Variants in CDH8 observed in about 807,000 individuals in gnomAD.
CDH8 encodes cadherin 8.
Under a neutral mutation model 68.1 loss-of-function variants are expected in CDH8, and 17 were observed. That is an observed-to-expected ratio of 0.25 (90% CI 0.17 to 0.37). CDH8 has a LOEUF of 0.37. CDH8 is among the 10% of genes least tolerant of loss of function. CDH8 has a pLI of 1.00. For synonymous variants in CDH8, 372 were observed against 365.1 expected, an observed-to-expected ratio of 1.02 and a Z score of -0.21; for missense variants, 763 against 999.3, an observed-to-expected ratio of 0.76 and a Z score of 3.19.
intron 10 of CDH8, chr16:61,691,901 T>C (rs1964231434): frequency 6.6e-6 from 1 of 152,118 alleles, no homozygotes; most frequent in South Asian, 2.1e-4. Flanking sequence ...AATTTTTTCC[T>C]ATTTAGACAT....
chr16:61,824,611 A>C (rs1178722064), intron 5 of CDH8, among the ~76,000 whole-genome samples: 1 of 151,816 alleles, frequency 6.6e-6, no homozygotes, highest in Admixed American at 6.6e-5. Flanking sequence ...CAGCAAGCCT[A>C]CTGCATATTT....
At chr16:62,032,666 G>T (rs1902355276) in intron 1 of CDH8, among the ~76,000 whole-genome samples, 1 of 152,132 alleles carries the variant, frequency 6.6e-6, no homozygotes, top group East Asian at 1.9e-4. Flanking sequence ...AGGCTTCTCC[G>T]ATTATGCTTG....
At chr16:62,007,019 T>A (rs1965986107) in intron 2 of CDH8, among the ~76,000 whole-genome samples, 1 of 152,086 alleles carries the variant, frequency 6.6e-6, no homozygotes, top group Non-Finnish European at 1.5e-5. Flanking sequence ...GTGATTCTCC[T>A]GTTTCAGCCT....
chr16:61,838,015 G>A (rs1215912897), intron 4 of CDH8, among the ~76,000 whole-genome samples: 1 of 152,050 alleles, frequency 6.6e-6, no homozygotes, highest in African/African-American at 2.4e-5. Flanking sequence ...CTAAACAGAG[G>A]GTTAGTAACA....
intron 8 of CDH8, among the ~76,000 whole-genome samples, chr16:61,766,113 T>C (rs1446225885): frequency 2.0e-5 from 3 of 151,896 alleles, no homozygotes; most frequent in African/African-American, 4.8e-5. Context: ...TTGTACCCAA[T>C]AGGTAGTGTT....
At chr16:61,688,837 C>G (rs1039709858) in intron 10 of CDH8, among the ~76,000 whole-genome samples, 1 of 151,876 alleles carries the variant, frequency 6.6e-6, no homozygotes, top group African/African-American at 2.4e-5. Flanking sequence ...ATCTTCAAAG[C>G]GATGTTTTCA....
At chr16:61,852,507 C>G (rs541127161) in intron 4 of CDH8, among the ~76,000 whole-genome samples, 21 of 152,136 alleles carry the variant, frequency 1.4e-4, no homozygotes, top group Non-Finnish European at 2.4e-4. Flanking sequence ...TTATTATGGT[C>G]TCAAGGCTAT....
rs1472986018 is a variant in CDH8 at position 61,961,265 on chromosome 16, A to G, written c.253-59792T>C. ...GGGAGGCAGAGGTTGCAGTGAGCTG[A>G]TATCGCACCACTGCTCTCCAGCCTG... On this transcript the variant is annotated intron_variant, in intron 2 of 11. Coordinates refer to ENST00000577390, the MANE Select transcript of CDH8 (RefSeq NM_001796.5). 3.9e-5 allele frequency among the ~76,000 whole-genome samples: 6 copies of G among 152,070 alleles called. No homozygotes were observed. The East Asian group carries it at 1.2e-3, about 30-fold the overall frequency.
chr16:61,675,793 T>A (rs550275374), intron 10 of CDH8, among the ~76,000 whole-genome samples: 40 of 151,160 alleles, frequency 2.6e-4, no homozygotes, highest in African/African-American at 9.2e-4. Flanking sequence ...AAGAAATATA[T>A]TATTACATTG....
chr16:61,903,363 G>T (rs749950609), intron 2 of CDH8, among the ~76,000 whole-genome samples: 2 of 152,142 alleles, frequency 1.3e-5, no homozygotes, highest in Non-Finnish European at 2.9e-5. Flanking sequence ...TCGCTCTGTC[G>T]CCCAGGCTGG....
In CDH8 at chr16:61,969,496, C is replaced by T. The variant is rs953867645; in HGVS notation, c.252+51656G>A. On this transcript the variant is annotated intron_variant, in intron 2 of 11. Transcript: ENST00000577390. ...TCTATGGAATGTATTAAATAACTTCCGATGCCTCTCCCAGCTCTAACAGAC... is the reference window on the plus strand; with the variant it reads ...TCTATGGAATGTATTAAATAACTTCTGATGCCTCTCCCAGCTCTAACAGAC... Among the ~76,000 whole-genome samples, 6 of 152,180 alleles carry T rather than the reference C, an allele frequency of 3.9e-5. No homozygotes were observed. In the South Asian group the frequency reaches 8.3e-4, roughly 21 times the overall value.
At chr16:62,025,520 G>A (rs556835350) in intron 1 of CDH8, among the ~76,000 whole-genome samples, 3 of 152,154 alleles carry the variant, frequency 2.0e-5, no homozygotes, top group Admixed American at 6.5e-5. Flanking sequence ...TGAAGTCAAT[G>A]GTATAGCCCC....
At chr16:61,767,389 G>A (rs1221286790) in intron 8 of CDH8, among the ~76,000 whole-genome samples, 2 of 151,886 alleles carry the variant, frequency 1.3e-5, no homozygotes, top group African/African-American at 4.8e-5. Flanking sequence ...TGATCTTCAG[G>A]AAACAAGTCA....
At chr16:61,675,539 T>C (rs941873787) in intron 10 of CDH8, among the ~76,000 whole-genome samples, 3 of 150,222 alleles carry the variant, frequency 2.0e-5, no homozygotes, top group African/African-American at 7.4e-5. Flanking sequence ...GCATGGCACA[T>C]GTATACATAT....
At chr16:61,768,390 C>T (rs57646370) in intron 8 of CDH8, among the ~76,000 whole-genome samples, 14 of 78,230 alleles carry the variant, frequency 1.8e-4, no homozygotes, top group African/African-American at 3.3e-4. Context: ...CTCTCTCTCT[C>T]TCTCCCTTTC....
rs558901469 is a variant in CDH8, at chr16:61,987,092, A to G, written c.252+34060T>C. Among the ~76,000 whole-genome samples, 16 of 152,356 alleles carry G rather than the reference A, an allele frequency of 1.1e-4. No individual in the cohort carries two copies. In the East Asian group the frequency reaches 2.9e-3, roughly 28 times the overall value. Reference sequence around the variant, plus strand: ...GGAAGATGGTGTCTCCATTGAATTAATCTACTCTCCGATGCTAATTCATAA... The same window carrying G: ...GGAAGATGGTGTCTCCATTGAATTAGTCTACTCTCCGATGCTAATTCATAA... On this transcript the variant is annotated intron_variant, in intron 2 of 11. Transcript: ENST00000577390.
chr16:61,677,028 A>G (rs1780824111), intron 10 of CDH8, among the ~76,000 whole-genome samples: 1 of 152,060 alleles, frequency 6.6e-6, no homozygotes, highest in South Asian at 2.1e-4. Flanking sequence ...CCACAAAAAA[A>G]GATGGCTTTT....
chr16:61,783,899 C>T (rs1478906727), intron 8 of CDH8, among the ~76,000 whole-genome samples: 2 of 152,130 alleles, frequency 1.3e-5, no homozygotes, highest in African/African-American at 4.8e-5. Flanking sequence ...CAGATTTTGT[C>T]ACCACCAGGA....
At chr16:61,836,925 A>G (rs1217114271) in intron 4 of CDH8, among the ~76,000 whole-genome samples, 1 of 151,996 alleles carries the variant, frequency 6.6e-6, no homozygotes, top group Non-Finnish European at 1.5e-5. Flanking sequence ...CAGTAATTCA[A>G]AGGGCACAGA....
Sources: gnomAD v4.1 joint callset for allele counts (sites outside exome capture counted in the v4.1 genomes callset) on GRCh38, gnomAD v4.1.1 for gene constraint, MANE v1.5 for transcripts, NCBI Gene and HGNC (gene_info 2026-07-23, HGNC 2026-07-21) for gene names.